Variants in DYNC2LI1 observed in about 807,000 individuals in gnomAD.
The protein encoded by DYNC2LI1 is cytoplasmic dynein 2 light intermediate chain 1.
Under a neutral mutation model 51.9 loss-of-function variants are expected in DYNC2LI1, and 45 were observed. The ratio of observed to expected loss-of-function variants is 0.87; its 90% CI spans 0.68 to 1.11. DYNC2LI1 has a LOEUF of 1.11. Among genes scored for constraint, DYNC2LI1 ranks in the 50% most tolerant of loss-of-function variants. The pLI is 0.00. For missense variants in DYNC2LI1, 490 were observed against 417.4 expected (o/e 1.17, Z -1.51); for synonymous variants, 130 against 137.8 (o/e 0.94, Z 0.40).
At chr2:43,823,869 T>A in the DYNC2LI1 span, 2 of 1,593,244 alleles carry the variant, frequency 1.3e-6, no homozygotes, top group South Asian at 1.1e-5. Context: ...AGAAGGGAGG[T>A]ATTTAGGGAG....
At chr2:43,817,151 C>T in the DYNC2LI1 span, among the ~76,000 whole-genome samples, 3 of 152,182 alleles carry the variant, frequency 2.0e-5, no homozygotes, top group Admixed American at 6.5e-5. Flanking sequence ...TGCAACTAAT[C>T]TGAGAACATT....
the DYNC2LI1 span, chr2:43,828,221 A>G: frequency 6.6e-7 from 1 of 1,513,596 alleles, no homozygotes. Context: ...CCAAGAATCC[A>G]AGGGCCACTT....
At chr2:43,778,508 T>C (rs1237002211) in intron 2 of DYNC2LI1, among the ~76,000 whole-genome samples, 2 of 152,214 alleles carry the variant, frequency 1.3e-5, no homozygotes, top group East Asian at 3.8e-4. Flanking sequence ...ATATTAGGCA[T>C]AGTACTTAAC....
In DYNC2LI1 at chr2:43,809,697, T is replaced by G; in HGVS notation, c.994-8T>G. On this transcript the variant is annotated splice_polypyrimidine_tract_variant and splice_region_variant and intron_variant, in intron 12 of 12. Coordinates refer to ENST00000260605, the MANE Select transcript of DYNC2LI1 (RefSeq NM_016008.4). ...TTTTTCTTAAAGTGATACATATTTT[T>G]GTTTTAGGAACTGGAACAGTACAAA... is the stretch of plus-strand genomic sequence containing the variant. 6.2e-7 allele frequency: 1 copy of G among 1,601,710 alleles called. No homozygotes were observed. The highest frequency in any genetic ancestry group is 2.2e-5 in the East Asian group (1 of 44,662).
chr2:43,811,383 T>A (rs543557268), downstream of DYNC2LI1, among the ~76,000 whole-genome samples: 1 of 152,348 alleles, frequency 6.6e-6, no homozygotes, highest in East Asian at 1.9e-4. Context: ...GTTTCCTTAA[T>A]GAAATGATCT....
intron 4 of DYNC2LI1, among the ~76,000 whole-genome samples, chr2:43,787,936 A>T (rs1673600417): frequency 6.6e-6 from 1 of 152,204 alleles, no homozygotes; most frequent in Non-Finnish European, 1.5e-5. Flanking sequence ...TTTCCTCATT[A>T]GACAGTGTAT....
chr2:43,782,090 C>G (rs1410435768), intron 2 of DYNC2LI1, among the ~76,000 whole-genome samples: 1 of 151,254 alleles, frequency 6.6e-6, no homozygotes, highest in Non-Finnish European at 1.5e-5. Flanking sequence ...ACATGCTGAT[C>G]TATTATGAAT....
the DYNC2LI1 span, chr2:43,822,950 C>A: frequency 6.2e-7 from 1 of 1,613,272 alleles, no homozygotes; most frequent in Non-Finnish European, 8.5e-7. Context: ...GGATGGAAGG[C>A]AGGTTTCAGA....
rs1414931092 is a variant in DYNC2LI1 at position 43,805,155 on chromosome 2, G to A, written c.902G>A (p.Ser301Asn). The change falls in exon 12 of 13, where the codon AGT becomes AAT. Residue 301 changes from serine to asparagine, a missense_variant and splice_region_variant. Transcript: ENST00000260605. ...TGATTTTGAGATTTGTAATTTCAGA[G>A]TATTAACACGCTGAAAGATATCAAG... ...KVYEKLFPPK[S>N]INTLKDIKDP... 6.2e-7 allele frequency: 1 copy of A among 1,603,530 alleles called. No individual in the cohort carries two copies.
At chr2:43,800,717 A>G in intron 8 of DYNC2LI1, 124 bp from the exon 9 acceptor site, 1 of 510,006 alleles carries the variant, frequency 2.0e-6, no homozygotes. Flanking sequence ...AAACAGAAGT[A>G]TTTGCTGGGC....
intron 12 of DYNC2LI1, 59 bp from the exon 13 acceptor site, chr2:43,809,646 G>A: frequency 3.3e-6 from 4 of 1,218,350 alleles, no homozygotes; most frequent in South Asian, 1.3e-5. Context: ...CAGTTTTAAG[G>A]TGCCTCCTTG....
the DYNC2LI1 span, among the ~76,000 whole-genome samples, chr2:43,827,731 C>G: frequency 1.3e-5 from 2 of 152,164 alleles, no homozygotes; most frequent in Non-Finnish European, 2.9e-5. Context: ...AGGAAAACCC[C>G]AATGGAACAC....
At chr2:43,804,452 C>T (rs1376005834) in intron 10 of DYNC2LI1, among the ~76,000 whole-genome samples, 190 bp from the exon 11 acceptor site, 1 of 152,184 alleles carries the variant, frequency 6.6e-6, no homozygotes, top group Admixed American at 6.5e-5. Flanking sequence ...GCCTCCTCTT[C>T]TTTCAGTACT....
At chr2:43,825,223 C>CAT in the DYNC2LI1 span, among the ~76,000 whole-genome samples, 1 of 152,070 alleles carries the variant, frequency 6.6e-6, no homozygotes, top group Non-Finnish European at 1.5e-5. Flanking sequence ...GAAATGCATC[C>CAT]CTACCCTTGT....
At chr2:43,819,933 A>T in the DYNC2LI1 span, 2 of 1,614,150 alleles carry the variant, frequency 1.2e-6, no homozygotes, top group Non-Finnish European at 1.7e-6. Context: ...TCCAGATCCA[A>T]CAAGCACCCC....
chr2:43,827,931 C>T, the DYNC2LI1 span: 1 of 1,610,640 alleles, frequency 6.2e-7, no homozygotes. Context: ...TATCTGCACA[C>T]ACACAGAAGA....
chr2:43,795,876 A>T lies in DYNC2LI1; in HGVS notation c.508-14A>T, dbSNP rs1674012044. On this transcript the variant is annotated splice_polypyrimidine_tract_variant and intron_variant, in intron 6 of 12. Transcript: ENST00000260605. The stretch of plus-strand genomic sequence containing the variant: ...AAGAATTACAACAACTCAAGGAAAT[A>T]TGTTTATTAGCAGGATCATGAATTA... 1 of 1,603,226 alleles carries T rather than the reference A, an allele frequency of 6.2e-7. No individual in the cohort carries two copies. Among genetic ancestry groups the T allele is most frequent in the East Asian group, 2.2e-5 (1 of 44,764 alleles).
chr2:43,814,637 G>T, downstream of DYNC2LI1: 1 of 1,092,160 alleles, frequency 9.2e-7, no homozygotes. Context: ...TCTGGCAATA[G>T]TCCTACCAAA....
intron 2 of DYNC2LI1, among the ~76,000 whole-genome samples, chr2:43,783,258 G>T (rs934597914): frequency 2.6e-5 from 4 of 152,166 alleles, no homozygotes; most frequent in Admixed American, 1.3e-4. Context: ...CTTAAGTGAG[G>T]TATGATTTGC....
Sources: allele counts gnomAD v4.1 joint callset (sites outside exome capture counted in the v4.1 genomes callset), GRCh38; gene constraint gnomAD v4.1.1; transcripts MANE v1.5; gene names NCBI Gene and HGNC (gene_info 2026-07-23, HGNC 2026-07-21).